The following CCBE1 variants were observed in gnomAD, a reference collection of about 807,000 sequenced individuals.
CCBE1 encodes the protein collagen and calcium-binding EGF domain-containing protein 1.
A neutral mutation model predicts 50.0 loss-of-function variants in CCBE1; 37 were observed. That is an observed-to-expected ratio of 0.74 (90% CI 0.57 to 0.97). CCBE1 has a LOEUF of 0.97. Among genes scored for constraint, CCBE1 ranks in the 50% least tolerant of loss-of-function variants. The pLI is 0.00. For missense variants in CCBE1, 538 were observed against 523.8 expected (o/e 1.03, Z -0.26); for synonymous variants, 234 against 203.7 (o/e 1.15, Z -1.27).
At chr18:59,548,584 G>A (rs989662953) in intron 2 of CCBE1, among the ~76,000 whole-genome samples, 1 of 152,168 alleles carries the variant, frequency 6.6e-6, no homozygotes, top group Non-Finnish European at 1.5e-5. Flanking sequence ...ATCAGCTGCT[G>A]TCATGCAAAT....
chr18:59,500,132 C>T (rs774590684), intron 2 of CCBE1, among the ~76,000 whole-genome samples: 2 of 152,174 alleles, frequency 1.3e-5, no homozygotes, highest in African/African-American at 4.8e-5. Flanking sequence ...TCTTAGGCCA[C>T]CCGCAGGTCC....
intron 2 of CCBE1, 92 bp from the exon 3 acceptor site, chr18:59,480,330 C>A: frequency 2.0e-6 from 2 of 1,019,466 alleles, no homozygotes; most frequent in South Asian, 2.8e-5. Context: ...AACTTGTGCC[C>A]AGGAAACATT....
At chr18:59,585,940 C>A (rs578131290) in intron 2 of CCBE1, among the ~76,000 whole-genome samples, 48 of 152,254 alleles carry the variant, frequency 3.2e-4, no homozygotes, top group African/African-American at 1.2e-3. Context: ...AATTTTAGAT[C>A]AAAGGAGTAA....
intron 2 of CCBE1, among the ~76,000 whole-genome samples, chr18:59,641,574 C>T (rs1302522483): frequency 6.6e-6 from 1 of 152,158 alleles, no homozygotes; most frequent in South Asian, 2.1e-4. Flanking sequence ...TATAAACAAA[C>T]CTGCACATGT....
chr18:59,530,550 C>G (rs112760453), intron 2 of CCBE1, among the ~76,000 whole-genome samples: 5 of 152,250 alleles, frequency 3.3e-5, no homozygotes, highest in African/African-American at 1.2e-4. Flanking sequence ...ATGCCATTAT[C>G]TCTCAGAAAC....
chr18:59,606,814 C>A (rs1333057101), intron 2 of CCBE1, among the ~76,000 whole-genome samples: 1 of 152,212 alleles, frequency 6.6e-6, no homozygotes, highest in Admixed American at 6.5e-5. Flanking sequence ...ATTTCTCTCA[C>A]TACATATTTC....
chr18:59,477,250 C>T (rs1165710682), intron 3 of CCBE1, among the ~76,000 whole-genome samples: 2 of 152,144 alleles, frequency 1.3e-5, no homozygotes, highest in African/African-American at 4.8e-5. Flanking sequence ...TAGGTGGTCC[C>T]TTAGTATTGT....
At chr18:59,600,689 T>C (rs1036111190) in intron 2 of CCBE1, among the ~76,000 whole-genome samples, 2 of 152,104 alleles carry the variant, frequency 1.3e-5, no homozygotes, top group Non-Finnish European at 2.9e-5. Context: ...TTCATAGCTT[T>C]CTCTTTCCAA....
intron 2 of CCBE1, among the ~76,000 whole-genome samples, chr18:59,561,378 C>T (rs769287107): frequency 1.1e-4 from 17 of 152,216 alleles, no homozygotes. Context: ...TGTCCAAACC[C>T]TATGTCTCCC....
At chr18:59,536,976 G>C (rs1018004052) in intron 2 of CCBE1, among the ~76,000 whole-genome samples, 6 of 138,432 alleles carry the variant, frequency 4.3e-5, no homozygotes, top group African/African-American at 1.7e-4. Context: ...TGGCAACAGA[G>C]TGAGACTCTG....
chr18:59,674,308 G>C (rs1326827485), intron 2 of CCBE1, among the ~76,000 whole-genome samples: 4 of 152,200 alleles, frequency 2.6e-5, no homozygotes, highest in Admixed American at 2.6e-4. Context: ...AAAAAAGGAT[G>C]AGTTCACGTC....
intron 2 of CCBE1, among the ~76,000 whole-genome samples, chr18:59,520,324 T>C (rs1479271135): frequency 6.6e-6 from 1 of 152,220 alleles, no homozygotes; most frequent in South Asian, 2.1e-4. Flanking sequence ...TGTTTTTCCA[T>C]TTGTTTGTGT....
At chr18:59,559,525 T>C (rs1028508898) in intron 2 of CCBE1, among the ~76,000 whole-genome samples, 3 of 152,234 alleles carry the variant, frequency 2.0e-5, no homozygotes, top group African/African-American at 7.2e-5. Flanking sequence ...AGGACATTGC[T>C]GCGCAACCCA....
chr18:59,596,623 C>T (rs2053354205), intron 2 of CCBE1, among the ~76,000 whole-genome samples: 1 of 152,184 alleles, frequency 6.6e-6, no homozygotes, highest in Admixed American at 6.5e-5. Context: ...CATGCCTCAG[C>T]CCAGGTTCTC....
chr18:59,540,350 A>C (rs892121906), intron 2 of CCBE1, among the ~76,000 whole-genome samples: 3 of 152,202 alleles, frequency 2.0e-5, no homozygotes, highest in African/African-American at 7.2e-5. Context: ...CATAGGACCC[A>C]GAAAGACAGT....
intron 2 of CCBE1, among the ~76,000 whole-genome samples, chr18:59,494,193 G>T (rs1303373617): frequency 1.3e-5 from 2 of 152,196 alleles, no homozygotes; most frequent in Non-Finnish European, 2.9e-5. Context: ...AGGAGCCAGG[G>T]AAATACATAG....
At chr18:59,478,140 T>G (rs1026918854) in intron 3 of CCBE1, among the ~76,000 whole-genome samples, 1 of 152,124 alleles carries the variant, frequency 6.6e-6, no homozygotes, top group African/African-American at 2.4e-5. Flanking sequence ...AGATTCCAAC[T>G]GCAACTCCTC....
chr18:59,522,211 T>C (rs1040455253), intron 2 of CCBE1, among the ~76,000 whole-genome samples: 1 of 152,096 alleles, frequency 6.6e-6, no homozygotes, highest in Non-Finnish European at 1.5e-5. Flanking sequence ...ACATGAATCT[T>C]GGTAATTTCT....
chr18:59,595,656 T>C (rs1346152427), intron 2 of CCBE1, among the ~76,000 whole-genome samples: 1 of 152,250 alleles, frequency 6.6e-6, no homozygotes, highest in Non-Finnish European at 1.5e-5. Context: ...TCTCAAATTT[T>C]ATCAAATAAC....
Sources: gnomAD v4.1 joint callset for allele counts (sites outside exome capture counted in the v4.1 genomes callset) on GRCh38, gnomAD v4.1.1 for gene constraint, MANE v1.5 for transcripts, NCBI Gene and HGNC (gene_info 2026-07-23, HGNC 2026-07-21) for gene names.